WDR48: variants seen among roughly 807,000 people sequenced by gnomAD.
WDR48 encodes WD repeat domain 48.
A neutral mutation model predicts 94.0 loss-of-function variants in WDR48; 22 were observed. The observed-to-expected ratio is 0.23, with a 90% CI of 0.17 to 0.33. The LOEUF is 0.33. Ranked by LOEUF, WDR48 falls within the 10% of genes least tolerant of loss-of-function variation. The pLI is 1.00. For missense variants in WDR48, 541 were observed against 813.8 expected, an observed-to-expected ratio of 0.66 and a Z score of 4.08; for synonymous variants, 278 against 280.5, an observed-to-expected ratio of 0.99 and a Z score of 0.09.
chr3:39,079,913 G>A (rs2125670264), intron 11 of WDR48, 105 bp downstream of exon 11: 1 of 576,352 alleles, frequency 1.7e-6, no homozygotes, highest in East Asian at 3.5e-5. Context: ...TGTAATTGCA[G>A]TAATACTTTA....
chr3:39,086,983 A>G (rs1172888615), intron 14 of WDR48, among the ~76,000 whole-genome samples: 9 of 152,154 alleles, frequency 5.9e-5, no homozygotes. Context: ...CAGCTCTACT[A>G]TTCAGGGGCC....
chr3:39,077,250 A>T, intron 9 of WDR48, 37 bp downstream of exon 9: 1 of 1,611,178 alleles, frequency 6.2e-7, no homozygotes, highest in Non-Finnish European at 8.5e-7. Flanking sequence ...GTTTATAAAC[A>T]TGTATTTTGT....
At position 39,079,739 on chromosome 3, in the gene WDR48, T is replaced by C. The variant is rs1373962817; in HGVS notation, c.1104T>C (p.Ile368=). ...KGGASIIQCH[I]LNDKRHILTK... is the part of the protein sequence containing the mutation. ...GTGCTAGTATTATTCAGTGCCACAT[T>C]CTTAATGATAAGAGACATATATTAA... is the stretch of plus-strand genomic sequence containing the variant. Residue 368 remains isoleucine, a synonymous_variant, in exon 11 of 19, where the codon ATT becomes ATC. Transcript: ENST00000302313. The C allele has an allele frequency of 6.4e-7, 1 of 1,564,596 alleles. No individual in the cohort carries two copies. The highest frequency in any genetic ancestry group is 1.7e-4 in the Middle Eastern group (1 of 5,798).
Position 39,065,861 on chromosome 3 carries a change from C to G in WDR48, c.240C>G (p.Asp80Glu). The G allele has an allele frequency of 6.2e-7, 1 of 1,605,694 alleles. No homozygotes were observed. The highest frequency in any genetic ancestry group is 8.5e-7 in the Non-Finnish European group (1 of 1,176,886). The change falls in exon 3 of 19, where the codon GAC (aspartate) becomes GAG (glutamate). Residue 80 changes from aspartate to glutamate, a missense_variant. Coordinates refer to ENST00000302313, the MANE Select transcript of WDR48 (RefSeq NM_020839.4). Reference protein sequence around the residue: ...SMEHHTDWVNDIVLCCNGKTL... With the variant: ...SMEHHTDWVNEIVLCCNGKTL... ...AACACCATACTGATTGGGTAAACGA[C>G]ATTGTACTCTGTTGTAATGGGAAAA...
At chr3:39,067,578 TC>T (rs564263607) in intron 5 of WDR48, among the ~76,000 whole-genome samples, 8 of 152,180 alleles carry the variant, frequency 5.3e-5, no homozygotes, top group Non-Finnish European at 8.8e-5. Context: ...AGGCCAGGTT[TC>T]AGAAGGGACT....
At chr3:39,089,194 T>C in intron 15 of WDR48, 37 bp from the exon 16 acceptor site, 1 of 1,587,948 alleles carries the variant, frequency 6.3e-7, no homozygotes. Context: ...ACATCTGTGC[T>C]TGTTGGGTTA....
intron 1 of WDR48, 117 bp from the exon 2 acceptor site, chr3:39,062,933 A>G: frequency 1.5e-6 from 2 of 1,341,108 alleles, no homozygotes; most frequent in Non-Finnish European, 2.0e-6. Context: ...TATTGGGTTG[A>G]AAAAGTACAT....
In WDR48 at chr3:39,078,169, T is replaced by C. The variant is rs762148846; in HGVS notation, c.1005T>C (p.Ser335=). ...AAGGAATTCATAATTTTAGAGCCTC[T>C]GGAGATTATGACAATGACTGTACAA... ...TLKGIHNFRA[S]GDYDNDCTNP... The change falls in exon 10 of 19, where the codon TCT becomes TCC. Residue 335 remains serine, a synonymous_variant. Coordinates refer to ENST00000302313, the MANE Select transcript of WDR48 (RefSeq NM_020839.4). 5 of 1,612,496 alleles carry C rather than the reference T, an allele frequency of 3.1e-6. No individual in the cohort carries two copies. Among genetic ancestry groups the C allele is most frequent in the Non-Finnish European group, 4.2e-6 (5 of 1,179,340 alleles).
intron 14 of WDR48, 133 bp downstream of exon 14, chr3:39,085,743 T>G: frequency 1.4e-6 from 1 of 705,742 alleles, no homozygotes; most frequent in Non-Finnish European, 2.3e-6. Context: ...CTCTCTTCCA[T>G]ATCTCAAAGT....
intron 11 of WDR48, 40 bp downstream of exon 11, chr3:39,079,848 G>A (rs763881889): frequency 2.5e-6 from 3 of 1,188,524 alleles, no homozygotes; most frequent in Non-Finnish European, 3.5e-6. Context: ...TTGTTAGATT[G>A]TATACCCCCT....
rs193059072 is a variant in WDR48 at position 39,066,956 on chromosome 3, G to A, written c.481+81G>A. On this transcript the variant is annotated intron_variant, in intron 5 of 18. Transcript: ENST00000302313. ...AATGGTTTATAAAACATTTTTGATA[G>A]GTTTGCATCGAGAGAGTGTTTCATA... 6 of 1,497,892 alleles carry A rather than the reference G, an allele frequency of 4.0e-6. No homozygotes were observed. The African/African-American group carries it at 8.3e-5, about 21-fold the overall frequency. The allele number at this position is 1,497,892 out of a possible 1,614,324, so 92.8% of individuals were successfully genotyped here.
chr3:39,065,599 T>C (rs1173862738), intron 2 of WDR48, among the ~76,000 whole-genome samples: 5 of 152,186 alleles, frequency 3.3e-5, no homozygotes, highest in African/African-American at 1.2e-4. Flanking sequence ...AACCTAAGCT[T>C]TCAGTAAGAG....
intron 10 of WDR48, among the ~76,000 whole-genome samples, 183 bp from the exon 11 acceptor site, chr3:39,079,528 A>T (rs1206539443): frequency 6.6e-6 from 1 of 152,228 alleles, no homozygotes; most frequent in Admixed American, 6.5e-5. Context: ...ATAAATGGAC[A>T]TAAATAATTT....
chr3:39,058,098 CTCTT>C (rs1198293396), intron 1 of WDR48, among the ~76,000 whole-genome samples: 1 of 152,188 alleles, frequency 6.6e-6, no homozygotes, highest in Non-Finnish European at 1.5e-5. Flanking sequence ...CCTCCATCAA[CTCTT>C]TCTTATTCTT....
intron 8 of WDR48, among the ~76,000 whole-genome samples, chr3:39,075,552 G>T (rs1339422712): frequency 6.6e-6 from 1 of 152,068 alleles, no homozygotes; most frequent in Non-Finnish European, 1.5e-5. Flanking sequence ...TGGGTCAAAG[G>T]GTTCTTGAGG....
At chr3:39,056,647 A>G (rs1051586395) in intron 1 of WDR48, among the ~76,000 whole-genome samples, 18 of 152,246 alleles carry the variant, frequency 1.2e-4, no homozygotes, top group Non-Finnish European at 2.1e-4. Flanking sequence ...TGGATGCTAG[A>G]GGAACTTACA....
At chr3:39,066,006 C>A in intron 3 of WDR48, 117 bp downstream of exon 3, 1 of 665,568 alleles carries the variant, frequency 1.5e-6, no homozygotes, top group Admixed American at 3.8e-5. Flanking sequence ...TGCAGTTCAA[C>A]ACAATTTTAG....
In WDR48 at chr3:39,078,200, A is replaced by G. The variant is rs780784650; in HGVS notation, c.1036A>G (p.Ile346Val). 18 of 1,613,454 alleles carry G rather than the reference A, an allele frequency of 1.1e-5. No individual in the cohort carries two copies. The South Asian group carries it at 1.3e-4, about 12-fold the overall frequency. ...TTATGACAATGACTGTACAAATCCT[A>G]TAACACCTCTTTGTACACAACCTGA... ...GDYDNDCTNP[I>V]TPLCTQPDQV... The change falls in exon 10 of 19, where the codon ATA becomes GTA. Residue 346 changes from isoleucine to valine, a missense_variant. Physicochemically the swap from Ile to Val is conservative, Grantham distance 29. Around this residue, in one of 5 missense-constraint regions of WDR48, gnomAD observed 238 missense variants for 285.3 expected, o/e 0.83. Coordinates refer to ENST00000302313, the MANE Select transcript of WDR48 (RefSeq NM_020839.4).
At chr3:39,080,935 G>C (rs952787890) in intron 11 of WDR48, among the ~76,000 whole-genome samples, 1 of 152,198 alleles carries the variant, frequency 6.6e-6, no homozygotes, top group African/African-American at 2.4e-5. Context: ...ATTGAAAAAT[G>C]ACATTTAGGT....
Sources: gnomAD v4.1 joint callset for allele counts (sites outside exome capture counted in the v4.1 genomes callset) on GRCh38, gnomAD v4.1.1 for gene constraint, gnomAD v4.1.1 regional missense constraint, MANE v1.5 for transcripts, NCBI Gene and HGNC (gene_info 2026-07-23, HGNC 2026-07-21) for gene names.